The following ITGA8 variants were observed in gnomAD, a reference collection of about 807,000 sequenced individuals.
ITGA8 encodes integrin subunit alpha 8.
In ITGA8, 91 loss-of-function variants were observed where a neutral mutation model predicts 142.3. The ratio of observed to expected loss-of-function variants is 0.64; its 90% confidence interval spans 0.54 to 0.76. The LOEUF is 0.76. Ranked by LOEUF, ITGA8 falls within the 30% of genes least tolerant of loss-of-function variation. The probability of loss-of-function intolerance (pLI) is 0.00; values close to 1 mark genes in which losing one functional copy is unlikely to be tolerated. For synonymous variants in ITGA8, 505 were observed against 485.2 expected, an observed-to-expected ratio of 1.04 and a Z score of -0.54; for missense variants, 1,406 against 1,327.7, an observed-to-expected ratio of 1.06 and a Z score of -0.92.
intron 25 of ITGA8, among the ~76,000 whole-genome samples, chr10:15,567,698 G>C (rs1308594534): frequency 1.3e-5 from 2 of 152,146 alleles, no homozygotes; most frequent in Non-Finnish European, 2.9e-5. Flanking sequence ...ACATCCTCAA[G>C]GCACTTCCAT....
At chr10:15,713,646 G>A (rs190122650) in intron 2 of ITGA8, among the ~76,000 whole-genome samples, 1 of 152,102 alleles carries the variant, frequency 6.6e-6, no homozygotes, top group Admixed American at 6.6e-5. Flanking sequence ...TGAGAAAAAG[G>A]GCACACCGAA....
At chr10:15,631,111 G>A (rs1175089097) in intron 13 of ITGA8, among the ~76,000 whole-genome samples, 1 of 151,984 alleles carries the variant, frequency 6.6e-6, no homozygotes. Flanking sequence ...CTTTTACACT[G>A]TTGGTGGGAG....
rs1832947967 is a variant in ITGA8 at position 15,515,383 on chromosome 10, G to A, written c.*1775C>T. On this transcript the variant is annotated 3_prime_UTR_variant, in exon 30 of 30. Coordinates refer to ENST00000378076, the MANE Select transcript of ITGA8 (RefSeq NM_003638.3). The stretch of plus-strand genomic sequence containing the variant: ...GGAAGAACATGAACTGCACCAGCGT[G>A]CTCGTCCATGTGCCTTTCATTTGCT... 6.6e-6 allele frequency: 1 copy of A among 152,222 alleles called. No individual in the cohort carries two copies. The highest frequency in any genetic ancestry group is 1.5e-5 in the Non-Finnish European group (1 of 68,050). The allele number at this position is 152,222 out of a possible 1,614,324, so 9.4% of individuals were successfully genotyped here.
At chr10:15,662,381 C>T (rs995079713) in intron 8 of ITGA8, among the ~76,000 whole-genome samples, 1 of 137,254 alleles carries the variant, frequency 7.3e-6, no homozygotes. Flanking sequence ...TGTTGCCCAG[C>T]CTGGAGTGTA....
At chr10:15,563,684 G>T (rs1178873106) in intron 25 of ITGA8, among the ~76,000 whole-genome samples, 1 of 152,180 alleles carries the variant, frequency 6.6e-6, no homozygotes, top group Non-Finnish European at 1.5e-5. Context: ...GGAGGCCGAG[G>T]CAGGCAGATC....
intron 27 of ITGA8, among the ~76,000 whole-genome samples, chr10:15,533,187 A>G (rs558901165): frequency 7.9e-4 from 120 of 152,280 alleles, no homozygotes; most frequent in African/African-American, 2.7e-3. Context: ...TTTTTTCTCC[A>G]TTAGATAAAC....
intron 26 of ITGA8, among the ~76,000 whole-genome samples, chr10:15,556,109 C>G (rs1833885162): frequency 7.2e-6 from 1 of 139,208 alleles, no homozygotes; most frequent in African/African-American, 2.6e-5. Flanking sequence ...TCACTGCAAC[C>G]TCCACCTCCC....
At chr10:15,542,524 T>G (rs1833590628) in intron 27 of ITGA8, among the ~76,000 whole-genome samples, 1 of 152,238 alleles carries the variant, frequency 6.6e-6, no homozygotes, top group African/African-American at 2.4e-5. Context: ...TTGAAAAATT[T>G]TAATACACAG....
At chr10:15,679,465 C>A (rs1041767567) in intron 4 of ITGA8, among the ~76,000 whole-genome samples, 9 of 152,008 alleles carry the variant, frequency 5.9e-5, no homozygotes, top group Non-Finnish European at 1.2e-4. Flanking sequence ...GCCTGCAGGC[C>A]CAGCTACTTG....
At chr10:15,565,573 A>ACTTTTTTT (rs1834062758) in intron 25 of ITGA8, among the ~76,000 whole-genome samples, 1 of 34,764 alleles carries the variant, frequency 2.9e-5, no homozygotes, top group Non-Finnish European at 5.1e-5. Flanking sequence ...TCATGTCCTG[A>ACTTTTTTT]TTTTTTTTTT....
At chr10:15,627,037 C>A (rs1445794222) in intron 13 of ITGA8, among the ~76,000 whole-genome samples, 3 of 152,130 alleles carry the variant, frequency 2.0e-5, no homozygotes, top group African/African-American at 7.2e-5. Flanking sequence ...CATTATTGAA[C>A]TTCCAGCATG....
Position 15,644,090 on chromosome 10 carries a change from G to C in ITGA8, c.1339C>G (p.Pro447Ala). 3 of 1,613,994 alleles carry C rather than the reference G, an allele frequency of 1.9e-6. No individual in the cohort carries two copies. Among genetic ancestry groups the C allele is most frequent in the Non-Finnish European group, 2.5e-6 (3 of 1,179,952 alleles). ...LQGVWASHAV[P>A]SGFGFTLRGD... ...CTTAAAGTAAAGCCAAATCCGGAAG[G>C]GACAGCATGTGAGGCCCACACTCCT... The change falls in exon 13 of 30, where the codon CCT becomes GCT. Residue 447 changes from proline to alanine, a missense_variant. By Grantham distance (27) the Pro-to-Ala change is conservative. Transcript: ENST00000378076.
At chr10:15,681,155 G>A (rs1448178243) in intron 4 of ITGA8, among the ~76,000 whole-genome samples, 2 of 152,172 alleles carry the variant, frequency 1.3e-5, no homozygotes, top group African/African-American at 2.4e-5. Context: ...TCAGCAGAGC[G>A]GGTTTGCGGT....
At position 15,687,937 on chromosome 10, in the gene ITGA8, C is replaced by G; in HGVS notation, c.444+1G>C. ...AGCACAAGCCCACGGCTCATACTCA[C>G]CACAACTTTTCCTTTGTGAGCTTTC... On this transcript the variant is annotated splice_donor_variant, in intron 3 of 29. Coordinates refer to ENST00000378076, the MANE Select transcript of ITGA8 (RefSeq NM_003638.3). LOFTEE classifies it high-confidence loss of function. 1 of 1,595,566 alleles carries G rather than the reference C, an allele frequency of 6.3e-7. No homozygotes were observed. Among genetic ancestry groups the G allele is most frequent in the Non-Finnish European group, 8.6e-7 (1 of 1,163,096 alleles).
At chr10:15,688,323 A>AAG (rs1554787831) in intron 2 of ITGA8, among the ~76,000 whole-genome samples, 1 of 147,684 alleles carries the variant, frequency 6.8e-6, no homozygotes, top group Non-Finnish European at 1.5e-5. Flanking sequence ...AAAAAAAAAA[A>AAG]TGCTGGGCGT....
Position 15,672,846 on chromosome 10 carries a change from C to T in ITGA8, c.677-97G>A, listed in dbSNP as rs1258643384. The T allele has an allele frequency of 3.7e-6, 5 of 1,336,470 alleles. No homozygotes were observed. The African/African-American group carries it at 7.6e-5, about 20-fold the overall frequency. 82.8% of individuals were successfully genotyped at this position (1,336,470 alleles called of 1,614,324 possible). A position where few individuals can be genotyped will look rare whatever the true frequency, so the allele number is the denominator to read the frequency against. On this transcript the variant is annotated intron_variant, in intron 6 of 29. Transcript: ENST00000378076. ...TCCCTTGAAAGCTATGGTGGAATTG[C>T]TTGCTTTTTTGATGATGAATTTTCC...
intron 2 of ITGA8, among the ~76,000 whole-genome samples, chr10:15,688,672 C>A (rs1359130641): frequency 2.6e-5 from 4 of 152,164 alleles, no homozygotes; most frequent in African/African-American, 7.2e-5. Context: ...GGATTTATCC[C>A]TGGAATGCAA....
At position 15,694,284 on chromosome 10, in the gene ITGA8, A is replaced by T. The variant is rs1307700581; in HGVS notation, c.344-6246T>A. Among the ~76,000 whole-genome samples, 5 of 102,062 alleles carry T rather than the reference A, an allele frequency of 4.9e-5. 1 individual carries two copies. The highest frequency in any genetic ancestry group is 1.8e-4 in the African/African-American group (5 of 27,374). The allele number at this position is 102,062 out of a possible 152,430, so 67.0% of individuals were successfully genotyped here. A position where few individuals can be genotyped will look rare whatever the true frequency, so the allele number is the denominator to read the frequency against. ...TACATCAGATAATATATCATACATCAGATAATATATCATATATATGATAAT... is the reference window on the plus strand; with the variant it reads ...TACATCAGATAATATATCATACATCTGATAATATATCATATATATGATAAT... On this transcript the variant is annotated intron_variant, in intron 2 of 29. Coordinates refer to ENST00000378076, the MANE Select transcript of ITGA8 (RefSeq NM_003638.3).
chr10:15,630,956 G>A (rs780072194), intron 13 of ITGA8, among the ~76,000 whole-genome samples: 5 of 151,944 alleles, frequency 3.3e-5, no homozygotes, highest in Non-Finnish European at 7.4e-5. Context: ...TTTGTTGGCT[G>A]CATAAATGTC....
Sources: gnomAD v4.1 joint callset for allele counts (sites outside exome capture counted in the v4.1 genomes callset) on GRCh38, gnomAD v4.1.1 for gene constraint, MANE v1.5 for transcripts, NCBI Gene and HGNC (gene_info 2026-07-23, HGNC 2026-07-21) for gene names.